ITGA8: variants seen among roughly 807,000 people sequenced by gnomAD.
ITGA8 encodes integrin subunit alpha 8.
Under a neutral mutation model 142.3 loss-of-function variants are expected in ITGA8, and 91 were observed. That is an observed-to-expected ratio of 0.64 (90% CI 0.54 to 0.76). The LOEUF (loss-of-function observed/expected upper bound fraction) is 0.76, where lower values mean the gene tolerates loss of function less well. ITGA8 is among the 30% of genes least tolerant of loss of function. ITGA8 has a pLI of 0.00. For missense variants in ITGA8, 1,406 were observed against 1,327.7 expected (o/e 1.06, Z -0.92); for synonymous variants, 505 against 485.2 (o/e 1.04, Z -0.54).
At chr10:15,710,108 A>G (rs1305508987) in intron 2 of ITGA8, among the ~76,000 whole-genome samples, 1 of 152,196 alleles carries the variant, frequency 6.6e-6, no homozygotes, top group African/African-American at 2.4e-5. Flanking sequence ...ATCATAAATA[A>G]ATACTTGTTC....
Position 15,527,906 on chromosome 10 carries a change from C to CTTTTTTTTTTTTTTTTTTT in ITGA8, c.2982+3125_2982+3143dup, listed in dbSNP as rs34758919. ...TTAAAGCAATTCCCTTTCGGCTGGG[C>CTTTTTTTTTTTTTTTTTTT]TTTTTTTTTTTTTTTTTTTTTTTTT... On this transcript the variant is annotated intron_variant, in intron 28 of 29. Coordinates refer to ENST00000378076, the MANE Select transcript of ITGA8 (RefSeq NM_003638.3). 4.6e-4 allele frequency among the ~76,000 whole-genome samples: 36 copies of CTTTTTTTTTTTTTTTTTTT among 78,036 alleles called. 16 individuals carry two copies. The highest frequency in any genetic ancestry group is 3.3e-4 in the Non-Finnish European group (14 of 42,608). 51.2% of individuals were successfully genotyped at this position (78,036 alleles called of 152,430 possible).
At chr10:15,524,599 C>T (rs1462523344) in intron 28 of ITGA8, among the ~76,000 whole-genome samples, 3 of 152,170 alleles carry the variant, frequency 2.0e-5, no homozygotes, top group African/African-American at 7.2e-5. Flanking sequence ...GGCAATGGGG[C>T]ATTCCATGTG....
chr10:15,670,256 A>G (rs180899717), intron 8 of ITGA8, among the ~76,000 whole-genome samples: 11 of 152,348 alleles, frequency 7.2e-5, no homozygotes, highest in African/African-American at 2.6e-4. Flanking sequence ...TTCAATAAAT[A>G]TTACCCGTTG....
intron 4 of ITGA8, among the ~76,000 whole-genome samples, chr10:15,681,176 C>T (rs952365440): frequency 6.6e-6 from 1 of 152,164 alleles, no homozygotes; most frequent in African/African-American, 2.4e-5. Context: ...ATAAGATTAA[C>T]ATGAGGAGCT....
intron 13 of ITGA8, among the ~76,000 whole-genome samples, chr10:15,617,438 G>A (rs1037527993): frequency 4.0e-5 from 6 of 150,280 alleles, no homozygotes; most frequent in Admixed American, 2.7e-4. Flanking sequence ...TCGCTCCATC[G>A]CCTAGGCTGG....
chr10:15,534,890 C>T (rs1262204607), intron 27 of ITGA8, among the ~76,000 whole-genome samples: 1 of 152,194 alleles, frequency 6.6e-6, no homozygotes, highest in Non-Finnish European at 1.5e-5. Context: ...CCCTTCAGCC[C>T]GCGGCTGCAC....
rs777183543 is a variant in ITGA8 at position 15,644,117 on chromosome 10, G to C, written c.1312C>G (p.Gln438Glu). Residue 438 changes from glutamine to glutamate, a missense_variant, in exon 13 of 30, where the codon CAA becomes GAA. Transcript: ENST00000378076. ...ACAGCATGTGAGGCCCACACTCCTT[G>C]CAGAACTTGGGAAGGCTTGGTGTTT... Reference protein sequence around the residue: ...GLNTKPSQVLQGVWASHAVPS... With the variant: ...GLNTKPSQVLEGVWASHAVPS... The C allele has an allele frequency of 1.2e-6, 2 of 1,614,114 alleles. No individual in the cohort carries two copies. Among genetic ancestry groups the C allele is most frequent in the South Asian group, 1.1e-5 (1 of 91,072 alleles).
At chr10:15,694,678 C>CATATATAT (rs71374639) in intron 2 of ITGA8, among the ~76,000 whole-genome samples, 3,545 of 77,364 alleles carry the variant, frequency 0.046, 161 homozygotes, top group South Asian at 0.1. Context: ...TATTTGTCGA[C>CATATATAT]ATATATATAT....
At position 15,597,190 on chromosome 10, in the gene ITGA8, T is replaced by C; in HGVS notation, c.2211+17A>G. On this transcript the variant is annotated intron_variant, in intron 21 of 29. Coordinates refer to ENST00000378076, the MANE Select transcript of ITGA8 (RefSeq NM_003638.3). ...CAGTTAGAAGGAAATCAGTCAGTATTTCTGGTTCTCTCTTACATTTGTTCC... is the reference window on the plus strand; with the variant it reads ...CAGTTAGAAGGAAATCAGTCAGTATCTCTGGTTCTCTCTTACATTTGTTCC... 1 of 1,588,346 alleles carries C rather than the reference T, an allele frequency of 6.3e-7. No homozygotes were observed. Among genetic ancestry groups the C allele is most frequent in the Non-Finnish European group, 8.6e-7 (1 of 1,156,398 alleles).
In ITGA8 at chr10:15,613,722, T is replaced by A; in HGVS notation, c.1491A>T (p.Pro497=). ...TTTTATTTTCAAGATTGATAATCAT[T>A]GGGTGCAGCAGAAGCTGGGCATCTA... ...VTVDAQLLLH[P]MIINLENKTC... is the part of the protein sequence containing the mutation. The change falls in exon 15 of 30, where the codon CCA becomes CCT. Residue 497 remains proline, a synonymous_variant. Coordinates refer to ENST00000378076, the MANE Select transcript of ITGA8 (RefSeq NM_003638.3). The A allele has an allele frequency of 6.2e-7, 1 of 1,614,110 alleles. No individual in the cohort carries two copies.
intron 15 of ITGA8, among the ~76,000 whole-genome samples, chr10:15,608,728 A>G (rs1833242596): frequency 6.6e-6 from 1 of 152,128 alleles, no homozygotes; most frequent in East Asian, 1.9e-4. Context: ...CGGGGCACTG[A>G]GCAAGATGGC....
rs138166754 is a variant in ITGA8 at position 15,695,189 on chromosome 10, T to A, written c.344-7151A>T. On this transcript the variant is annotated intron_variant, in intron 2 of 29. Coordinates refer to ENST00000378076, the MANE Select transcript of ITGA8 (RefSeq NM_003638.3). ...TAATATTTTTCTTCTGGACCAAGGG[T>A]ACAAATGAACGGGCTTCATTAATTT... is the stretch of plus-strand genomic sequence containing the variant. Among the ~76,000 whole-genome samples, 305 of 152,180 alleles carry A rather than the reference T, an allele frequency of 2.0e-3. 3 individuals carry two copies. The East Asian group carries it at 0.02, about 10-fold the overall frequency.
intron 26 of ITGA8, among the ~76,000 whole-genome samples, chr10:15,557,102 C>T (rs1164658870): frequency 2.0e-5 from 3 of 152,122 alleles, no homozygotes; most frequent in South Asian, 2.1e-4. Flanking sequence ...TGACTCTGAC[C>T]GGGCATGGTG....
intron 26 of ITGA8, among the ~76,000 whole-genome samples, chr10:15,550,151 G>T (rs146170818): frequency 6.6e-6 from 1 of 152,102 alleles, no homozygotes; most frequent in Non-Finnish European, 1.5e-5. Flanking sequence ...TTCCTCTTTC[G>T]CTTGGCTCTC....
At chr10:15,571,336 A>T (rs935943440) in intron 25 of ITGA8, among the ~76,000 whole-genome samples, 9 of 152,182 alleles carry the variant, frequency 5.9e-5, no homozygotes, top group African/African-American at 1.7e-4. Flanking sequence ...CGCCATTTTT[A>T]ATAGAGACAC....
chr10:15,664,692 G>A (rs1206042782), intron 8 of ITGA8, among the ~76,000 whole-genome samples: 1 of 106,558 alleles, frequency 9.4e-6, no homozygotes, highest in Admixed American at 1.4e-4. Flanking sequence ...ACAGTCCCCA[G>A]TGTGTGATGC....
chr10:15,584,274 G>C (rs1834473445), intron 23 of ITGA8, among the ~76,000 whole-genome samples: 1 of 151,410 alleles, frequency 6.6e-6, no homozygotes, highest in African/African-American at 2.4e-5. Flanking sequence ...TCCAGCCTGG[G>C]TGATGCAGCG....
At chr10:15,578,665 T>C (rs1454919738) in intron 23 of ITGA8, among the ~76,000 whole-genome samples, 1 of 152,194 alleles carries the variant, frequency 6.6e-6, no homozygotes, top group Non-Finnish European at 1.5e-5. Flanking sequence ...CCATGTATTG[T>C]ATGGAACAGT....
intron 23 of ITGA8, among the ~76,000 whole-genome samples, chr10:15,576,362 T>C (rs1834298321): frequency 6.6e-6 from 1 of 152,204 alleles, no homozygotes; most frequent in Non-Finnish European, 1.5e-5. Flanking sequence ...ATAAATGACA[T>C]ATAACACATG....
Sources: allele counts gnomAD v4.1 joint callset (sites outside exome capture counted in the v4.1 genomes callset), GRCh38; gene constraint gnomAD v4.1.1; transcripts MANE v1.5; gene names NCBI Gene and HGNC (gene_info 2026-07-23, HGNC 2026-07-21).